The following SEMA5A variants were observed in gnomAD, a reference collection of about 807,000 sequenced individuals.
SEMA5A encodes the protein semaphorin-5A.
SEMA5A carries 55 observed loss-of-function variants against 135.5 expected under a neutral mutation model. The observed-to-expected ratio is 0.41, with a 90% confidence interval of 0.33 to 0.51. SEMA5A has a LOEUF of 0.51. Among genes scored for constraint, SEMA5A ranks in the 20% least tolerant of loss-of-function variants. The probability of loss-of-function intolerance (pLI) is 0.37; values close to 1 mark genes in which losing one functional copy is unlikely to be tolerated. For synonymous variants in SEMA5A, 580 were observed against 546.5 expected, an observed-to-expected ratio of 1.06 and a Z score of -0.85; for missense variants, 1,290 against 1,419.9, an observed-to-expected ratio of 0.91 and a Z score of 1.47.
At chr5:9,111,544 C>T (rs562931238) in intron 15 of SEMA5A, among the ~76,000 whole-genome samples, 1 of 152,316 alleles carries the variant, frequency 6.6e-6, no homozygotes, top group Non-Finnish European at 1.5e-5. Flanking sequence ...AAATTGTCTA[C>T]TGAGCTGCAT....
At chr5:9,399,091 C>A (rs1756533210) in intron 2 of SEMA5A, among the ~76,000 whole-genome samples, 1 of 152,204 alleles carries the variant, frequency 6.6e-6, no homozygotes, top group African/African-American at 2.4e-5. Context: ...AATCCCACTC[C>A]TATGTCTATA....
intron 5 of SEMA5A, among the ~76,000 whole-genome samples, chr5:9,257,857 C>A (rs1018076466): frequency 6.6e-6 from 1 of 152,122 alleles, no homozygotes; most frequent in African/African-American, 2.4e-5. Flanking sequence ...GTGTGCAGGG[C>A]AAGTCAGCCC....
At chr5:9,152,466 C>T (rs960194792) in intron 12 of SEMA5A, among the ~76,000 whole-genome samples, 6 of 152,172 alleles carry the variant, frequency 3.9e-5, no homozygotes, top group African/African-American at 1.4e-4. Context: ...ATAAGAATGG[C>T]AGTTAATAAA....
intron 5 of SEMA5A, among the ~76,000 whole-genome samples, chr5:9,268,766 T>C (rs1579752710): frequency 1.3e-5 from 2 of 152,300 alleles, no homozygotes; most frequent in South Asian, 4.1e-4. Context: ...CAGATTGCTG[T>C]AATTTATCAT....
Position 9,298,623 on chromosome 5 carries a change from G to T in SEMA5A, c.270+19749C>A, listed in dbSNP as rs376357711. 2.0e-5 allele frequency among the ~76,000 whole-genome samples: 3 copies of T among 152,272 alleles called. 1 individual carries two copies. The East Asian group carries it at 5.8e-4, about 29-fold the overall frequency. On this transcript the variant is annotated intron_variant, in intron 5 of 22. Coordinates refer to ENST00000382496, the MANE Select transcript of SEMA5A (RefSeq NM_003966.3). ...AATCTTTAAAACTTACATAGGTTAA[G>T]TTTCTAGTGCTGTACTGATTGGTTC...
intron 2 of SEMA5A, among the ~76,000 whole-genome samples, chr5:9,411,387 C>G (rs905717826): frequency 6.6e-6 from 1 of 152,194 alleles, no homozygotes; most frequent in Non-Finnish European, 1.5e-5. Flanking sequence ...TGTCTCAGCC[C>G]ACACGCAAGC....
intron 16 of SEMA5A, among the ~76,000 whole-genome samples, chr5:9,074,920 A>G (rs1360184109): frequency 1.3e-5 from 2 of 152,172 alleles, no homozygotes; most frequent in Non-Finnish European, 2.9e-5. Flanking sequence ...ATGTATTTGG[A>G]TCTGGTCCAT....
At chr5:9,256,295 C>T (rs188469397) in intron 5 of SEMA5A, among the ~76,000 whole-genome samples, 52 of 152,254 alleles carry the variant, frequency 3.4e-4, no homozygotes, top group Non-Finnish European at 5.4e-4. Flanking sequence ...TTTCTGCCTC[C>T]AATTCTCTGA....
At chr5:9,216,235 T>C (rs1746621244) in intron 8 of SEMA5A, among the ~76,000 whole-genome samples, 1 of 152,216 alleles carries the variant, frequency 6.6e-6, no homozygotes, top group Non-Finnish European at 1.5e-5. Flanking sequence ...TTAATTTCAT[T>C]GTTTACACAA....
chr5:9,243,834 T>A (rs1160535971), intron 5 of SEMA5A, among the ~76,000 whole-genome samples: 1 of 152,192 alleles, frequency 6.6e-6, no homozygotes, highest in African/African-American at 2.4e-5. Context: ...CTCCTGCTAT[T>A]TAAATTGCCA....
chr5:9,266,583 T>C (rs1465124479), intron 5 of SEMA5A, among the ~76,000 whole-genome samples: 2 of 152,244 alleles, frequency 1.3e-5, no homozygotes, highest in Admixed American at 6.5e-5. Context: ...CAATATTTTA[T>C]CTTCTAAGCA....
intron 16 of SEMA5A, among the ~76,000 whole-genome samples, chr5:9,074,797 A>C (rs1021672409): frequency 6.6e-6 from 1 of 152,236 alleles, no homozygotes; most frequent in African/African-American, 2.4e-5. Context: ...ACTAAAATTC[A>C]AACAACAGAA....
intron 14 of SEMA5A, among the ~76,000 whole-genome samples, chr5:9,119,838 A>G (rs1338166303): frequency 6.6e-6 from 1 of 152,214 alleles, no homozygotes; most frequent in East Asian, 1.9e-4. Context: ...GCAAATAAGA[A>G]GTGCAAATTG....
Position 9,066,524 on chromosome 5 carries a change from T to C in SEMA5A, c.2196A>G (p.Thr732=). Residue 732 remains threonine (T), a synonymous_variant, in exon 17 of 23, where the codon ACA becomes ACG. Transcript: ENST00000382496. ...GGHYEQRFRY[T]CKARLADPNL... Reference sequence around the variant, plus strand: ...TCGGATCAGCCAGGCGGGCTTTGCATGTGTATCGGAATCGTTGCTCATAGT... The same window carrying C: ...TCGGATCAGCCAGGCGGGCTTTGCACGTGTATCGGAATCGTTGCTCATAGT... 1 of 1,614,168 alleles carries C rather than the reference T, an allele frequency of 6.2e-7. No individual in the cohort carries two copies. The highest frequency in any genetic ancestry group is 8.5e-7 in the Non-Finnish European group (1 of 1,180,024).
At chr5:9,393,636 C>T (rs190038380) in intron 2 of SEMA5A, among the ~76,000 whole-genome samples, 2 of 152,174 alleles carry the variant, frequency 1.3e-5, no homozygotes, top group Non-Finnish European at 2.9e-5. Context: ...AAAATTTTGA[C>T]AATTATAAAC....
chr5:9,192,363 G>T (rs1745158689), intron 10 of SEMA5A, among the ~76,000 whole-genome samples: 1 of 152,250 alleles, frequency 6.6e-6, no homozygotes. Context: ...GAAAGCATTT[G>T]TAAATTAACT....
intron 12 of SEMA5A, among the ~76,000 whole-genome samples, chr5:9,142,691 G>T (rs925098103): frequency 6.6e-6 from 1 of 152,182 alleles, no homozygotes; most frequent in Non-Finnish European, 1.5e-5. Flanking sequence ...ATCTGGCCAG[G>T]CACGGTGGCT....
At chr5:9,338,708 A>G (rs1306251661) in intron 3 of SEMA5A, among the ~76,000 whole-genome samples, 2 of 152,200 alleles carry the variant, frequency 1.3e-5, no homozygotes, top group Non-Finnish European at 2.9e-5. Flanking sequence ...AACCAGGCAC[A>G]TAACAACTGT....
intron 2 of SEMA5A, among the ~76,000 whole-genome samples, chr5:9,426,889 T>C (rs1385561183): frequency 6.6e-6 from 1 of 152,248 alleles, no homozygotes; most frequent in Admixed American, 6.5e-5. Context: ...CATAATTCAC[T>C]TTTTTATTGT....
Sources: gnomAD v4.1 joint callset for allele counts (sites outside exome capture counted in the v4.1 genomes callset) on GRCh38, gnomAD v4.1.1 for gene constraint, MANE v1.5 for transcripts, NCBI Gene and HGNC (gene_info 2026-07-23, HGNC 2026-07-21) for gene names.